The following ANAPC1 variants were observed in gnomAD, a reference collection of about 807,000 sequenced individuals.
The protein encoded by ANAPC1 is anaphase-promoting complex subunit 1.
A neutral mutation model predicts 208.0 loss-of-function variants in ANAPC1; 36 were observed. The observed-to-expected ratio is 0.17, with a 90% CI of 0.13 to 0.23. The LOEUF (loss-of-function observed/expected upper bound fraction) is 0.23. Ranked by LOEUF, ANAPC1 falls within the 10% of genes least tolerant of loss-of-function variation. The pLI is 1.00. For missense variants in ANAPC1, 942 were observed against 2,011.6 expected (o/e 0.47, Z 10.17); for synonymous variants, 378 against 695.2 (o/e 0.54, Z 7.18).
intron 1 of ANAPC1, among the ~76,000 whole-genome samples, chr2:111,883,553 C>A (rs571329059): frequency 6.6e-6 from 1 of 151,194 alleles, no homozygotes; most frequent in East Asian, 1.9e-4. Flanking sequence ...AAAAAAGAGA[C>A]CCAAATGCAC....
chr2:111,781,135 T>C lies in ANAPC1; in HGVS notation c.5203-750A>G, dbSNP rs559202679. On this transcript the variant is annotated intron_variant, in intron 43 of 47. Transcript: ENST00000341068. Reference sequence around the variant, plus strand: ...AAACAGTATCACTCAAGGTTCAAGATTGAAAATGAAATATGAAGGTATTAC... The same window carrying C: ...AAACAGTATCACTCAAGGTTCAAGACTGAAAATGAAATATGAAGGTATTAC... Among the ~76,000 whole-genome samples, 66 of 147,836 alleles carry C rather than the reference T, an allele frequency of 4.5e-4. No individual in the cohort carries two copies. In the East Asian group the frequency reaches 0.011, roughly 24 times the overall value.
chr2:111,877,687 G>T (rs7565080), intron 3 of ANAPC1, among the ~76,000 whole-genome samples: 4 of 151,816 alleles, frequency 2.6e-5, no homozygotes, highest in Non-Finnish European at 4.4e-5. Flanking sequence ...GGGAGGGTGA[G>T]GCGGGAGAAT....
intron 47 of ANAPC1, among the ~76,000 whole-genome samples, chr2:111,770,902 A>T (rs1676700409): frequency 6.6e-6 from 1 of 151,876 alleles, no homozygotes; most frequent in Middle Eastern, 3.4e-3. Flanking sequence ...TGTTTCTATT[A>T]TCTGTTTTTT....
In ANAPC1 at chr2:111,833,279, T is replaced by C; in HGVS notation, c.2417A>G (p.Tyr806Cys). The change falls in exon 20 of 48, where the codon TAC becomes TGC. Residue 806 changes from tyrosine (Y) to cysteine (C), a missense_variant. Physicochemically the swap from Tyr to Cys is radical, Grantham distance 194. Transcript: ENST00000341068. ...GACAAGCGTTGGGTAGTCTCTATAG[T>C]AATGATCTACATAAGGCCCCAATTT... The part of the protein sequence containing the change: ...DLKLGPYVDH[Y>C]YRDYPTLVRT... 6.3e-7 allele frequency: 1 copy of C among 1,599,098 alleles called. No individual in the cohort carries two copies. Among genetic ancestry groups the C allele is most frequent in the Non-Finnish European group, 8.6e-7 (1 of 1,169,000 alleles).
chr2:111,883,165 C>CAAA (rs141124163), intron 1 of ANAPC1, among the ~76,000 whole-genome samples: 2 of 108,542 alleles, frequency 1.8e-5, no homozygotes, highest in Non-Finnish European at 3.6e-5. Context: ...GACTCCTTCT[C>CAAA]AAAAAAAAAA....
chr2:111,834,827 A>C lies in ANAPC1; in HGVS notation c.2161T>G (p.Ser721Ala). Residue 721 changes from serine (S) to alanine (A), a missense_variant, in exon 19 of 48, where the codon TCT (serine) becomes GCT (alanine). By Grantham distance (99) the Ser-to-Ala change is moderately conservative. Coordinates refer to ENST00000341068, the MANE Select transcript of ANAPC1 (RefSeq NM_022662.4). ...CATAAAGATCTGTTCAAAAGATGAGACTCAACATTCTGGTGGTAGTCTGAA... is the reference window on the plus strand; with the variant it reads ...CATAAAGATCTGTTCAAAAGATGAGCCTCAACATTCTGGTGGTAGTCTGAA... The part of the protein sequence containing the change: ...LNSDYHQNVE[S>A]HLLNRSLCLS... 3 of 1,608,082 alleles carry C rather than the reference A, an allele frequency of 1.9e-6. No individual in the cohort carries two copies. The South Asian group carries it at 3.3e-5, about 18-fold the overall frequency.
At chr2:111,787,149 G>GAA (rs1363373346) in intron 39 of ANAPC1, among the ~76,000 whole-genome samples, 1 of 118,888 alleles carries the variant, frequency 8.4e-6, no homozygotes. Flanking sequence ...ACTCTATCTC[G>GAA]AAAAAAAAAA....
intron 39 of ANAPC1, among the ~76,000 whole-genome samples, chr2:111,786,003 A>G (rs960521820): frequency 2.0e-5 from 3 of 152,188 alleles, no homozygotes; most frequent in African/African-American, 2.4e-5. Flanking sequence ...GGGTATGGCA[A>G]TATTTTTCTT....
At chr2:111,880,111 C>T (rs1429590529) in intron 2 of ANAPC1, among the ~76,000 whole-genome samples, 1 of 152,120 alleles carries the variant, frequency 6.6e-6, no homozygotes, top group African/African-American at 2.4e-5. Context: ...CAGTGGCTCA[C>T]GCCTGTAAAC....
intron 6 of ANAPC1, among the ~76,000 whole-genome samples, chr2:111,870,052 T>C (rs1261679424): frequency 1.3e-5 from 2 of 152,216 alleles, no homozygotes; most frequent in Non-Finnish European, 2.9e-5. Context: ...CATTATTTCA[T>C]TTCCTCGTTA....
chr2:111,771,783 ATTTT>A (rs1051890350), intron 47 of ANAPC1, among the ~76,000 whole-genome samples: 1 of 151,676 alleles, frequency 6.6e-6, no homozygotes, highest in African/African-American at 2.4e-5. Context: ...ATCAAAAAAT[ATTTT>A]TTTTGAGAAT....
At chr2:111,776,230 C>T (rs1677000511) in intron 46 of ANAPC1, among the ~76,000 whole-genome samples, 1 of 151,798 alleles carries the variant, frequency 6.6e-6, no homozygotes. Context: ...GGAGTCTACT[C>T]CTGAAAATCA....
In ANAPC1 at chr2:111,773,733, C is replaced by G. The variant is rs577032776; in HGVS notation, c.5585-1258G>C. Among the ~76,000 whole-genome samples, 44 of 152,050 alleles carry G rather than the reference C, an allele frequency of 2.9e-4. 1 individual carries two copies. In the South Asian group the frequency reaches 8.7e-3, roughly 30 times the overall value. ...TTCTAGGGAGGGAAAACAGCATATTCAATGGCCCCACAGTGAAAAGGAGCT... is the reference window on the plus strand; with the variant it reads ...TTCTAGGGAGGGAAAACAGCATATTGAATGGCCCCACAGTGAAAAGGAGCT... On this transcript the variant is annotated intron_variant, in intron 46 of 47. Transcript: ENST00000341068.
intron 9 of ANAPC1, among the ~76,000 whole-genome samples, chr2:111,863,427 G>C (rs1682193929): frequency 6.6e-6 from 1 of 150,742 alleles, no homozygotes; most frequent in Non-Finnish European, 1.5e-5. Context: ...CAGGAGAATG[G>C]CATGAACCCG....
chr2:111,816,295 C>T (rs1679234046), intron 27 of ANAPC1, among the ~76,000 whole-genome samples: 1 of 148,972 alleles, frequency 6.7e-6, no homozygotes, highest in African/African-American at 2.6e-5. Flanking sequence ...AAACAAGAAC[C>T]TTAATAAATC....
intron 21 of ANAPC1, among the ~76,000 whole-genome samples, chr2:111,828,871 T>C (rs1435733161): frequency 1.3e-5 from 2 of 152,198 alleles, no homozygotes; most frequent in South Asian, 2.1e-4. Context: ...ACAGTGGTGA[T>C]GGCAACATAA....
At chr2:111,864,463 C>CTTTTTTTT (rs1156702851) in intron 8 of ANAPC1, among the ~76,000 whole-genome samples, 1 of 95,184 alleles carries the variant, frequency 1.1e-5, no homozygotes, top group African/African-American at 4.0e-5. Context: ...TATATATATA[C>CTTTTTTTT]TTTTTTTTTT....
chr2:111,863,973 G>C (rs1558734398), intron 8 of ANAPC1, 78 bp from the exon 9 acceptor site: 8 of 1,458,876 alleles, frequency 5.5e-6, no homozygotes, highest in Admixed American at 2.7e-5. Context: ...TTGTAAGAAT[G>C]CAAGTTGAAG....
chr2:111,881,020 G>A (rs1683271249), intron 1 of ANAPC1, 171 bp from the exon 2 acceptor site: 2 of 587,584 alleles, frequency 3.4e-6, no homozygotes, highest in East Asian at 2.9e-5. Context: ...GATTCAGACA[G>A]TTGCAATTAT....
Sources: gnomAD v4.1 joint callset for allele counts (sites outside exome capture counted in the v4.1 genomes callset) on GRCh38, gnomAD v4.1.1 for gene constraint, MANE v1.5 for transcripts, NCBI Gene and HGNC (gene_info 2026-07-23, HGNC 2026-07-21) for gene names.